The following SPAG16 variants were observed in gnomAD, a reference collection of about 807,000 sequenced individuals.
SPAG16 encodes sperm associated antigen 16, also known as sperm-associated antigen 16 protein.
In SPAG16, 86 loss-of-function variants were observed where a neutral mutation model predicts 80.4. The observed-to-expected ratio is 1.07, with a 90% confidence interval of 0.90 to 1.28. The LOEUF is 1.28. SPAG16 is among the 50% of genes most tolerant of loss of function. SPAG16 has a pLI of 0.00. For missense variants in SPAG16, 870 were observed against 765.3 expected (o/e 1.14, Z -1.61); for synonymous variants, 294 against 265.9 (o/e 1.11, Z -1.03).
chr2:214,333,167 G>C (rs149350193), intron 15 of SPAG16, among the ~76,000 whole-genome samples: 1 of 152,174 alleles, frequency 6.6e-6, no homozygotes, highest in Non-Finnish European at 1.5e-5. Flanking sequence ...AAATATCATA[G>C]ATCTGAGAAT....
chr2:213,572,953 T>G (rs962591210), intron 10 of SPAG16, among the ~76,000 whole-genome samples: 6 of 152,210 alleles, frequency 3.9e-5, no homozygotes, highest in Non-Finnish European at 8.8e-5. Flanking sequence ...CGCCGCTTTT[T>G]AAGCCGGTCT....
chr2:213,566,979 G>A (rs1162683391), intron 10 of SPAG16, among the ~76,000 whole-genome samples: 4 of 152,076 alleles, frequency 2.6e-5, no homozygotes, highest in East Asian at 3.8e-4. Context: ...TTAGCCAACA[G>A]TTTTAAATAA....
chr2:214,020,202 G>A (rs906409907), intron 13 of SPAG16, among the ~76,000 whole-genome samples: 11 of 152,002 alleles, frequency 7.2e-5, no homozygotes, highest in African/African-American at 2.7e-4. Context: ...CTCCAACCTC[G>A]GTCTTCCTTC....
chr2:213,938,874 C>A lies in SPAG16; in HGVS notation c.1400+8729C>A, dbSNP rs541676095. ...GATAATAAAGATGAGGTTTTTTTTT[C>A]TCTTAAAGGACTAGGAAATATAATT... On this transcript the variant is annotated intron_variant, in intron 12 of 15. Transcript: ENST00000331683. Among the ~76,000 whole-genome samples the A allele has an allele frequency of 3.4e-5, 5 of 147,510 alleles. No homozygotes were observed. The South Asian group carries it at 8.5e-4, about 25-fold the overall frequency.
At chr2:213,609,639 G>C (rs2061378925) in intron 10 of SPAG16, among the ~76,000 whole-genome samples, 1 of 151,966 alleles carries the variant, frequency 6.6e-6, no homozygotes, top group Admixed American at 6.6e-5. Flanking sequence ...TATTATATAG[G>C]AGCTGTCCCC....
chr2:214,408,033 T>C (rs1702096341), intron 15 of SPAG16, among the ~76,000 whole-genome samples: 1 of 152,326 alleles, frequency 6.6e-6, no homozygotes, highest in East Asian at 1.9e-4. Flanking sequence ...AAATCTGTTC[T>C]TGAAAAAACA....
chr2:213,300,777 T>C (rs1399451678), intron 3 of SPAG16, among the ~76,000 whole-genome samples: 1 of 152,164 alleles, frequency 6.6e-6, no homozygotes, highest in Non-Finnish European at 1.5e-5. Context: ...TAATTCTTGA[T>C]AGGTATAACT....
intron 15 of SPAG16, among the ~76,000 whole-genome samples, chr2:214,377,150 C>T (rs1196574612): frequency 6.6e-6 from 1 of 152,168 alleles, no homozygotes; most frequent in East Asian, 1.9e-4. Context: ...CACCATGTGA[C>T]ACTAACCATC....
chr2:213,336,588 A>G (rs554047279), intron 5 of SPAG16, among the ~76,000 whole-genome samples: 2 of 152,286 alleles, frequency 1.3e-5, no homozygotes, highest in South Asian at 2.1e-4. Context: ...ACTAGGAGCA[A>G]TTCCCCACAG....
At chr2:213,869,993 G>C (rs965994770) in intron 11 of SPAG16, among the ~76,000 whole-genome samples, 17 of 152,218 alleles carry the variant, frequency 1.1e-4, no homozygotes, top group African/African-American at 3.9e-4. Context: ...GTCAAGTATT[G>C]CAATTGTACG....
chr2:214,308,457 G>T (rs73084981), intron 15 of SPAG16, among the ~76,000 whole-genome samples: 1 of 151,946 alleles, frequency 6.6e-6, no homozygotes, highest in Non-Finnish European at 1.5e-5. Flanking sequence ...TTGCAGATTT[G>T]TTTATGTGGT....
chr2:214,255,466 C>G (rs1226983000), intron 15 of SPAG16, among the ~76,000 whole-genome samples: 5 of 151,952 alleles, frequency 3.3e-5, no homozygotes, highest in Admixed American at 3.3e-4. Flanking sequence ...ATCTTCCTAC[C>G]CTTACATCAA....
chr2:213,382,716 T>G (rs150752353), intron 9 of SPAG16, among the ~76,000 whole-genome samples: 1 of 152,364 alleles, frequency 6.6e-6, no homozygotes, highest in Non-Finnish European at 1.5e-5. Flanking sequence ...TGGTGTTTGT[T>G]TCTTCTCTGG....
At chr2:213,608,399 C>T (rs1423717749) in intron 10 of SPAG16, among the ~76,000 whole-genome samples, 2 of 152,084 alleles carry the variant, frequency 1.3e-5, no homozygotes, top group Non-Finnish European at 1.5e-5. Flanking sequence ...GTTCAATTCC[C>T]ACCTATGAGT....
At chr2:214,167,730 TTG>T (rs1232319044) in intron 15 of SPAG16, among the ~76,000 whole-genome samples, 4 of 151,998 alleles carry the variant, frequency 2.6e-5, no homozygotes, top group Admixed American at 6.6e-5. Context: ...AAAGAGTTAA[TTG>T]TATACTTTTT....
chr2:213,395,079 T>A (rs1030212563), intron 9 of SPAG16, among the ~76,000 whole-genome samples: 1 of 152,214 alleles, frequency 6.6e-6, no homozygotes, highest in African/African-American at 2.4e-5. Context: ...TACCACTGTT[T>A]TATTCTTGAT....
chr2:213,680,568 C>T (rs2064328654), intron 10 of SPAG16, among the ~76,000 whole-genome samples: 1 of 152,302 alleles, frequency 6.6e-6, no homozygotes, highest in Non-Finnish European at 1.5e-5. Context: ...TCCTCTTTCT[C>T]TCATTCGTGG....
intron 10 of SPAG16, among the ~76,000 whole-genome samples, chr2:213,849,455 A>T (rs1053796610): frequency 6.6e-6 from 1 of 152,204 alleles, no homozygotes; most frequent in African/African-American, 2.4e-5. Context: ...CTGAAGTTTG[A>T]TGAGTATACT....
intron 13 of SPAG16, among the ~76,000 whole-genome samples, chr2:214,041,954 G>A (rs1440086966): frequency 1.5e-5 from 2 of 130,192 alleles, no homozygotes; most frequent in African/African-American, 5.7e-5. Flanking sequence ...TATAGTTTGT[G>A]TATATATTTG....
Sources: gnomAD v4.1 joint callset for allele counts (sites outside exome capture counted in the v4.1 genomes callset) on GRCh38, gnomAD v4.1.1 for gene constraint, MANE v1.5 for transcripts, NCBI Gene and HGNC (gene_info 2026-07-23, HGNC 2026-07-21) for gene names.